Variants in ACOT7 observed in about 807,000 individuals in gnomAD.
The protein encoded by ACOT7 is cytosolic acyl coenzyme A thioester hydrolase.
In ACOT7, 12 loss-of-function variants were observed where a neutral mutation model predicts 40.2. The observed-to-expected ratio is 0.30, with a 90% CI of 0.19 to 0.48. The LOEUF (loss-of-function observed/expected upper bound fraction) is 0.48, where lower values mean the gene tolerates loss of function less well. Among genes scored for constraint, ACOT7 ranks in the 20% least tolerant of loss-of-function variants. The pLI is 0.99. For missense variants in ACOT7, 395 were observed against 530.8 expected (o/e 0.74, Z 2.51); for synonymous variants, 228 against 219.5 (o/e 1.04, Z -0.34).
chr1:6,311,583 A>G lies in ACOT7; in HGVS notation c.712+6909T>C, dbSNP rs1327033622. Among the ~76,000 whole-genome samples the G allele has an allele frequency of 6.6e-6, 1 of 152,166 alleles. No homozygotes were observed. The highest frequency in any genetic ancestry group is 1.9e-4 in the East Asian group (1 of 5,186). On this transcript the variant is annotated intron_variant, in intron 6 of 8. Coordinates refer to ENST00000361521, the MANE Select transcript of ACOT7 (RefSeq NM_007274.4). The surrounding 1 kb of genome is among the most constrained non-coding windows in gnomAD (Gnocchi z 5.2). ...AGCTATTGGGGTCTCTTGTGGTATA[A>G]TTCAGGGAGGATCACAGTAACTAAC...
At chr1:6,385,917 G>A (rs1372307354) in intron 1 of ACOT7, 3 of 1,103,340 alleles carry the variant, frequency 2.7e-6, no homozygotes, top group Admixed American at 6.4e-5. Context: ...CCATGACTCG[G>A]CCTGAACTCA....
chr1:6,374,355 T>C (rs1642187174), intron 1 of ACOT7, among the ~76,000 whole-genome samples: 1 of 152,164 alleles, frequency 6.6e-6, no homozygotes, highest in South Asian at 2.1e-4. Context: ...TGTCCCTCAG[T>C]GGGCAGACCA....
In ACOT7 at chr1:6,358,578, G is replaced by A. The variant is rs369156370; in HGVS notation, c.144-8712C>T. ...AGCAGGCAGGGGAGTGCCCTGGTCC[G>A]TCAGGGGACCCCAGCTCACGCAGGC... On this transcript the variant is annotated intron_variant, in intron 1 of 8. Coordinates refer to ENST00000361521, the MANE Select transcript of ACOT7 (RefSeq NM_007274.4). This position sits in a 1 kb window ranked among gnomAD's most constrained non-coding sequence, Gnocchi z 4.1. 1.1e-4 allele frequency among the ~76,000 whole-genome samples: 16 copies of A among 152,226 alleles called. No homozygotes were observed. Among genetic ancestry groups the A allele is most frequent in the Non-Finnish European group, 2.1e-4 (14 of 68,030 alleles).
chr1:6,334,530 C>G (rs1288496760), intron 3 of ACOT7, among the ~76,000 whole-genome samples: 1 of 152,236 alleles, frequency 6.6e-6, no homozygotes, highest in Non-Finnish European at 1.5e-5. Context: ...TTTTTGCCAC[C>G]CCAGGAACTT....
At chr1:6,380,335 C>G (rs996082783) in intron 1 of ACOT7, among the ~76,000 whole-genome samples, 3 of 151,454 alleles carry the variant, frequency 2.0e-5, no homozygotes, top group African/African-American at 7.3e-5. Context: ...TGTGGTGGCT[C>G]GCCCCTGTAA....
intron 5 of ACOT7, among the ~76,000 whole-genome samples, chr1:6,318,958 G>C (rs1459806878): frequency 6.6e-6 from 1 of 152,302 alleles, no homozygotes; most frequent in African/African-American, 2.4e-5. Context: ...AAGTGCCACA[G>C]TGTTTCTGTA....
At chr1:6,280,543 G>C (rs532486435) in intron 8 of ACOT7, among the ~76,000 whole-genome samples, 1 of 152,306 alleles carries the variant, frequency 6.6e-6, no homozygotes, top group African/African-American at 2.4e-5. Context: ...CACCTGCCCT[G>C]CATGAGGAGG....
At chr1:6,281,374 CA>C in intron 7 of ACOT7, 88 bp from the exon 8 acceptor site, 1 of 1,224,372 alleles carries the variant, frequency 8.2e-7, no homozygotes, top group Non-Finnish European at 1.2e-6. Flanking sequence ...AGCAGGCAGA[CA>C]CTTGGTTAGG....
At chr1:6,383,697 G>A (rs1178756526) in intron 1 of ACOT7, among the ~76,000 whole-genome samples, 1 of 150,890 alleles carries the variant, frequency 6.6e-6, no homozygotes, top group African/African-American at 2.4e-5. Flanking sequence ...CACCTACCCT[G>A]CATCTGGCTA....
chr1:6,330,725 A>C lies in ACOT7; in HGVS notation c.510+2752T>G, dbSNP rs1640932334. On this transcript the variant is annotated intron_variant, in intron 4 of 8. Transcript: ENST00000361521. This position sits in a 1 kb window ranked among gnomAD's most constrained non-coding sequence, Gnocchi z 4.6. ...AGGGGATGGGAGCCAGGGGAGTCAG[A>C]AGCTACCCGTCCCCTCCACTGGCCA... Among the ~76,000 whole-genome samples, 1 of 152,128 alleles carries C rather than the reference A, an allele frequency of 6.6e-6. No homozygotes were observed. Among genetic ancestry groups the C allele is most frequent in the South Asian group, 2.1e-4 (1 of 4,820 alleles).
At chr1:6,360,215 T>C (rs1175239385) in intron 1 of ACOT7, among the ~76,000 whole-genome samples, 4 of 152,246 alleles carry the variant, frequency 2.6e-5, no homozygotes, top group South Asian at 2.1e-4. Context: ...GGATGCTTAA[T>C]GTCTAGAAGC....
At chr1:6,296,949 T>C (rs1336418239) in intron 6 of ACOT7, among the ~76,000 whole-genome samples, 3 of 152,230 alleles carry the variant, frequency 2.0e-5, no homozygotes, top group Non-Finnish European at 4.4e-5. Context: ...TAGTCAACAA[T>C]ATTTGACTTA....
chr1:6,269,343 A>G (rs1035929227), intron 8 of ACOT7, among the ~76,000 whole-genome samples: 13 of 152,004 alleles, frequency 8.6e-5, no homozygotes, highest in Non-Finnish European at 1.8e-4. Context: ...GCCTCCCCTC[A>G]CCTCACCCCG....
chr1:6,391,229 T>A (rs1166835979), intron 1 of ACOT7, among the ~76,000 whole-genome samples: 1 of 148,002 alleles, frequency 6.8e-6, no homozygotes, highest in Non-Finnish European at 1.5e-5. Flanking sequence ...CTGGGTGCGG[T>A]GGTTCACACC....
intron 1 of ACOT7, among the ~76,000 whole-genome samples, chr1:6,363,832 A>T (rs1297515433): frequency 6.6e-6 from 1 of 152,078 alleles, no homozygotes; most frequent in Non-Finnish European, 1.5e-5. Flanking sequence ...GCTGTCTTTT[A>T]TCTCTTTGTC....
intron 2 of ACOT7, among the ~76,000 whole-genome samples, chr1:6,343,568 C>T (rs764332303): frequency 3.3e-5 from 5 of 152,278 alleles, no homozygotes; most frequent in Non-Finnish European, 2.9e-5. Flanking sequence ...ATGCCTGGAA[C>T]TGTCTCTTTC....
chr1:6,363,346 C>T (rs972093479), intron 1 of ACOT7, among the ~76,000 whole-genome samples: 16 of 152,102 alleles, frequency 1.1e-4, no homozygotes, highest in Non-Finnish European at 2.2e-4. Context: ...CTTAGCAGAC[C>T]AGGAAAGGGA....
At position 6,288,537 on chromosome 1, in the gene ACOT7, G is replaced by C. The variant is rs1338255028; in HGVS notation, c.829+6327C>G. 6.6e-6 allele frequency among the ~76,000 whole-genome samples: 1 copy of C among 152,230 alleles called. No individual in the cohort carries two copies. Among genetic ancestry groups the C allele is most frequent in the African/African-American group, 2.4e-5 (1 of 41,456 alleles). ...TGGCATGTCACGGGGAGCCACGGAGGCTGTGAGCAGAGGAATAGCAGGTCC... is the reference window on the plus strand; with the variant it reads ...TGGCATGTCACGGGGAGCCACGGAGCCTGTGAGCAGAGGAATAGCAGGTCC... On this transcript the variant is annotated intron_variant, in intron 7 of 8. Transcript: ENST00000361521. The surrounding 1 kb of genome is among the most constrained non-coding windows in gnomAD (Gnocchi z 4.3).
At chr1:6,322,763 G>A (rs1026242069) in intron 5 of ACOT7, among the ~76,000 whole-genome samples, 4 of 152,162 alleles carry the variant, frequency 2.6e-5, no homozygotes, top group Non-Finnish European at 4.4e-5. Flanking sequence ...AGGGACTCAG[G>A]GTCAGGACCT....
Sources: allele counts gnomAD v4.1 joint callset (sites outside exome capture counted in the v4.1 genomes callset), GRCh38; gene constraint gnomAD v4.1.1; non-coding constraint Gnocchi (gnomAD v3.1); transcripts MANE v1.5; gene names NCBI Gene and HGNC (gene_info 2026-07-23, HGNC 2026-07-21).